Variants in PTPRS observed in about 807,000 individuals in gnomAD.
PTPRS encodes protein tyrosine phosphatase receptor type S.
Under a neutral mutation model 215.3 loss-of-function variants are expected in PTPRS, and 63 were observed. That is an observed-to-expected ratio of 0.29 (90% CI 0.24 to 0.36). The LOEUF is 0.36. Among genes scored for constraint, PTPRS ranks in the 10% least tolerant of loss-of-function variants. The pLI, the probability that PTPRS is intolerant of heterozygous loss-of-function variation, is 1.00. For synonymous variants in PTPRS, 1,404 were observed against 1,191.4 expected (o/e 1.18, Z -3.68); for missense variants, 2,258 against 2,825.8 (o/e 0.80, Z 4.56).
chr19:5,340,321 G>T (rs2050650957), intron 1 of PTPRS, among the ~76,000 whole-genome samples: 1 of 150,766 alleles, frequency 6.6e-6, no homozygotes, highest in Non-Finnish European at 1.5e-5. Context: ...GCCCGGGGTG[G>T]TGCAGCCGGC....
At chr19:5,258,522 T>C (rs1230245322) in intron 7 of PTPRS, among the ~76,000 whole-genome samples, 2 of 152,180 alleles carry the variant, frequency 1.3e-5, no homozygotes, top group South Asian at 2.1e-4. Context: ...CATCATTTGA[T>C]AGATCCAGGG....
chr19:5,217,398 G>A (rs1303001321), intron 25 of PTPRS, among the ~76,000 whole-genome samples: 1 of 152,102 alleles, frequency 6.6e-6, no homozygotes, highest in Non-Finnish European at 1.5e-5. Context: ...CAGTACAGAG[G>A]AAAGAAAGGG....
At chr19:5,267,719 GCCC>G (rs369115102) in intron 4 of PTPRS, among the ~76,000 whole-genome samples, 1 of 50,934 alleles carries the variant, frequency 2.0e-5, no homozygotes. Flanking sequence ...GTGCCCCCCC[GCCC>G]CCCCAACTCC....
intron 1 of PTPRS, among the ~76,000 whole-genome samples, chr19:5,305,902 T>TGCACTCC (rs2049473565): frequency 9.4e-6 from 1 of 106,098 alleles, no homozygotes; most frequent in Non-Finnish European, 1.7e-5. Context: ...ATCGCGCCAC[T>TGCACTCC]GCACTCCAGC....
intron 6 of PTPRS, among the ~76,000 whole-genome samples, 166 bp downstream of exon 6, chr19:5,262,798 G>A (rs190092305): frequency 5.9e-4 from 90 of 152,234 alleles, no homozygotes; most frequent in African/African-American, 2.1e-3. Context: ...GGAGGGCTGA[G>A]GGGCCGGTCG....
Position 5,210,349 on chromosome 19 carries a change from T to A in PTPRS, c.5487+120A>T. 3 of 1,441,070 alleles carry A rather than the reference T, an allele frequency of 2.1e-6. No homozygotes were observed. The highest frequency in any genetic ancestry group is 2.9e-6 in the Non-Finnish European group (3 of 1,049,466). 89.3% of individuals were successfully genotyped at this position (1,441,070 alleles called of 1,614,324 possible). A position where few individuals can be genotyped will look rare whatever the true frequency, so the allele number is the denominator to read the frequency against. The stretch of plus-strand genomic sequence containing the variant: ...AAGTGGCCAACTGGTCAGCTGACAC[T>A]TCTCCTGATTCCCAATGCTTATGCC... On this transcript the variant is annotated intron_variant, in intron 35 of 37. Coordinates refer to ENST00000262963, the MANE Select transcript of PTPRS (RefSeq NM_002850.4). This position sits in a 1 kb window ranked among gnomAD's most constrained non-coding sequence, Gnocchi z 4.5.
intron 28 of PTPRS, 35 bp downstream of exon 28, chr19:5,215,254 G>C: frequency 1.9e-6 from 3 of 1,610,156 alleles, no homozygotes; most frequent in Non-Finnish European, 2.5e-6. Context: ...ATGCAGTGGG[G>C]AAGGGCAGGT....
chr19:5,219,892 C>T, intron 22 of PTPRS, 47 bp downstream of exon 22: 1 of 1,589,368 alleles, frequency 6.3e-7, no homozygotes, highest in South Asian at 1.1e-5. Context: ...GGGTCTGCCT[C>T]ATTCAGAGGT....
intron 13 of PTPRS, among the ~76,000 whole-genome samples, chr19:5,236,870 A>G (rs2043497318): frequency 6.7e-6 from 1 of 149,892 alleles, no homozygotes; most frequent in Admixed American, 6.6e-5. Context: ...AAAAAACAAC[A>G]ATCAAGGAAT....
Position 5,257,916 on chromosome 19 carries a change from G to A in PTPRS, c.706+101C>T. 1 of 982,066 alleles carries A rather than the reference G, an allele frequency of 1.0e-6. No homozygotes were observed. The highest frequency in any genetic ancestry group is 1.5e-6 in the Non-Finnish European group (1 of 649,124). 60.8% of individuals were successfully genotyped at this position (982,066 alleles called of 1,614,324 possible). A position where few individuals can be genotyped will look rare whatever the true frequency, so the allele number is the denominator to read the frequency against. On this transcript the variant is annotated intron_variant, in intron 8 of 37. Transcript: ENST00000262963. This position sits in a 1 kb window ranked among gnomAD's most constrained non-coding sequence, Gnocchi z 4.4. ...ACCGGGGAGGGGCCTTCCTGCTTGG[G>A]TGTGCAGGGGACGGGGGAGCCCGGA...
chr19:5,301,174 G>A (rs2049290948), intron 1 of PTPRS, among the ~76,000 whole-genome samples: 1 of 152,176 alleles, frequency 6.6e-6, no homozygotes, highest in African/African-American at 2.4e-5. Context: ...GCTCTGCAGC[G>A]CCAACATGCT....
At chr19:5,302,859 G>A (rs1050160724) in intron 1 of PTPRS, among the ~76,000 whole-genome samples, 14 of 144,704 alleles carry the variant, frequency 9.7e-5, no homozygotes, top group African/African-American at 3.6e-4. Context: ...AGATCGAGAC[G>A]ATCCTGGCTA....
At chr19:5,328,533 C>T (rs1385102188) in intron 1 of PTPRS, among the ~76,000 whole-genome samples, 1 of 152,166 alleles carries the variant, frequency 6.6e-6, no homozygotes, top group Non-Finnish European at 1.5e-5. Context: ...CCACCGCGCC[C>T]GGCCCTTACC....
intron 13 of PTPRS, among the ~76,000 whole-genome samples, chr19:5,236,819 G>A (rs1441470035): frequency 4.0e-5 from 6 of 150,744 alleles, no homozygotes; most frequent in Non-Finnish European, 8.8e-5. Flanking sequence ...GGTGCCCGGG[G>A]GGTGCGGGGA....
At chr19:5,228,339 C>T (rs1450237363) in intron 16 of PTPRS, among the ~76,000 whole-genome samples, 11 of 56,420 alleles carry the variant, frequency 1.9e-4, no homozygotes, top group African/African-American at 1.6e-3. Flanking sequence ...TGTGAGACTC[C>T]GTCTGGAGAA....
chr19:5,303,518 G>A (rs2049368943), intron 1 of PTPRS, among the ~76,000 whole-genome samples: 1 of 152,168 alleles, frequency 6.6e-6, no homozygotes, highest in Admixed American at 6.6e-5. Flanking sequence ...GAGGACAGGG[G>A]CAGAGGACAC....
At chr19:5,255,923 A>C (rs949676250) in intron 9 of PTPRS, among the ~76,000 whole-genome samples, 185 bp downstream of exon 9, 7 of 151,902 alleles carry the variant, frequency 4.6e-5, no homozygotes, top group African/African-American at 1.7e-4. Context: ...TTTTTTGTTT[A>C]GTTTGCTTTG....
chr19:5,216,169 CGCTT>C (rs2041428430), intron 26 of PTPRS, among the ~76,000 whole-genome samples: 1 of 152,136 alleles, frequency 6.6e-6, no homozygotes, highest in African/African-American at 2.4e-5. Flanking sequence ...TCTGTCCCTG[CGCTT>C]GCTTGGGGCA....
chr19:5,259,040 T>A (rs2045786173), intron 7 of PTPRS, among the ~76,000 whole-genome samples: 1 of 152,194 alleles, frequency 6.6e-6, no homozygotes, highest in African/African-American at 2.4e-5. Context: ...TTAGATTAAA[T>A]TTTCAAAAGT....
Sources: allele counts gnomAD v4.1 joint callset (sites outside exome capture counted in the v4.1 genomes callset), GRCh38; gene constraint gnomAD v4.1.1; non-coding constraint Gnocchi (gnomAD v3.1); transcripts MANE v1.5; gene names NCBI Gene and HGNC (gene_info 2026-07-23, HGNC 2026-07-21).